The following CCSER1 variants were observed in gnomAD, a reference collection of about 807,000 sequenced individuals.
CCSER1 encodes coiled-coil serine rich protein 1, also known as serine-rich coiled-coil domain-containing protein 1.
CCSER1 carries 41 observed loss-of-function variants against 82.0 expected under a neutral mutation model. The observed-to-expected ratio is 0.50, with a 90% confidence interval of 0.39 to 0.65. CCSER1 has a LOEUF of 0.65. Ranked by LOEUF, CCSER1 falls within the 30% of genes least tolerant of loss-of-function variation. The probability of loss-of-function intolerance (pLI) is 0.00; values close to 1 mark genes in which losing one functional copy is unlikely to be tolerated. For synonymous variants in CCSER1, 414 were observed against 383.9 expected, an observed-to-expected ratio of 1.08 and a Z score of -0.92; for missense variants, 1,119 against 1,064.2, an observed-to-expected ratio of 1.05 and a Z score of -0.72.
intron 3 of CCSER1, chr4:90,325,549 G>A: frequency 3.0e-6 from 1 of 327,936 alleles, no homozygotes; most frequent in Non-Finnish European, 6.7e-6. Flanking sequence ...TAACTGAATG[G>A]GCTGGGACAG....
At chr4:90,644,607 C>T (rs1294072230) in intron 6 of CCSER1, among the ~76,000 whole-genome samples, 1 of 152,022 alleles carries the variant, frequency 6.6e-6, no homozygotes, top group Admixed American at 6.6e-5. Context: ...GGCTATTTAT[C>T]CTGATGCTCT....
chr4:90,556,995 T>C lies in CCSER1; in HGVS notation c.1725-71030T>C, dbSNP rs184434456. On this transcript the variant is annotated intron_variant, in intron 5 of 10. Transcript: ENST00000509176. The stretch of plus-strand genomic sequence containing the variant: ...CAACATTCAATAACAACTTGTTTTT[T>C]TGATATATAATTTATTTATATCTAC... Among the ~76,000 whole-genome samples, 21 of 152,076 alleles carry C rather than the reference T, an allele frequency of 1.4e-4. No individual in the cohort carries two copies. The East Asian group carries it at 3.1e-3, about 22-fold the overall frequency.
chr4:90,813,190 A>T (rs1445033014), intron 7 of CCSER1, among the ~76,000 whole-genome samples: 1 of 152,268 alleles, frequency 6.6e-6, no homozygotes, highest in Non-Finnish European at 1.5e-5. Flanking sequence ...ATGGAGGTAC[A>T]GGCAATGGGT....
chr4:90,308,864 C>G lies in CCSER1; in HGVS notation c.580C>G (p.Pro194Ala). ...TTCATCTCACTATAAATTTTCTAAG[C>G]CAGTTCTACAGAGCCAATCCATTTC... is the stretch of plus-strand genomic sequence containing the variant. ...SFSSHYKFSK[P>A]VLQSQSISLV... Residue 194 changes from proline to alanine, a missense_variant, in exon 2 of 11, where the codon CCA becomes GCA. Pro to Ala is a conservative substitution (Grantham distance 27, BLOSUM62 -1). Coordinates refer to ENST00000509176, the MANE Select transcript of CCSER1 (RefSeq NM_001145065.2). The G allele has an allele frequency of 6.2e-7, 1 of 1,613,860 alleles. No homozygotes were observed. The highest frequency in any genetic ancestry group is 8.5e-7 in the Non-Finnish European group (1 of 1,179,822).
chr4:90,356,092 C>G (rs1048120459), intron 3 of CCSER1, among the ~76,000 whole-genome samples: 4 of 151,846 alleles, frequency 2.6e-5, no homozygotes, highest in Non-Finnish European at 5.9e-5. Context: ...AACAAGAACT[C>G]TTCTGTAATT....
intron 1 of CCSER1, among the ~76,000 whole-genome samples, chr4:90,201,138 A>G (rs1363957078): frequency 6.6e-6 from 1 of 152,196 alleles, no homozygotes; most frequent in Non-Finnish European, 1.5e-5. Flanking sequence ...TTGCAGAAAC[A>G]GCTTTGGCTG....
intron 1 of CCSER1, among the ~76,000 whole-genome samples, chr4:90,159,386 T>C (rs1728995684): frequency 6.6e-6 from 1 of 152,138 alleles, no homozygotes; most frequent in African/African-American, 2.4e-5. Flanking sequence ...AGTTGAATCA[T>C]GATTTTTGGC....
At chr4:91,148,389 G>A (rs1729760194) in intron 10 of CCSER1, among the ~76,000 whole-genome samples, 1 of 151,896 alleles carries the variant, frequency 6.6e-6, no homozygotes, top group Non-Finnish European at 1.5e-5. Flanking sequence ...TGATTCTTGT[G>A]GGAATAGATT....
intron 5 of CCSER1, among the ~76,000 whole-genome samples, chr4:90,597,524 CTTTAATTTTT>C (rs1369656685): frequency 1.3e-5 from 2 of 151,852 alleles, no homozygotes; most frequent in African/African-American, 4.8e-5. Context: ...CCATAATTTT[CTTTAATTTTT>C]TTTAAAAAAT....
At chr4:91,043,953 A>G (rs1319566320) in intron 9 of CCSER1, among the ~76,000 whole-genome samples, 1 of 152,170 alleles carries the variant, frequency 6.6e-6, no homozygotes, top group Non-Finnish European at 1.5e-5. Flanking sequence ...TTCTGGGGAA[A>G]TATTATAACT....
intron 10 of CCSER1, among the ~76,000 whole-genome samples, chr4:91,329,732 T>C (rs1432113704): frequency 6.6e-6 from 1 of 152,164 alleles, no homozygotes. Context: ...GACTCTACCC[T>C]CATGATCTAA....
At chr4:90,899,615 A>G (rs1268906794) in intron 8 of CCSER1, among the ~76,000 whole-genome samples, 1 of 151,850 alleles carries the variant, frequency 6.6e-6, no homozygotes, top group East Asian at 1.9e-4. Context: ...TTATTTTGAG[A>G]TATGTTTATT....
chr4:90,130,690 C>T (rs1722670228), intron 1 of CCSER1, among the ~76,000 whole-genome samples: 1 of 152,048 alleles, frequency 6.6e-6, no homozygotes, highest in Non-Finnish European at 1.5e-5. Flanking sequence ...GTGGCGCTAC[C>T]TCGGCTCACT....
intron 10 of CCSER1, among the ~76,000 whole-genome samples, chr4:91,499,543 T>C (rs775987462): frequency 1.5e-4 from 23 of 151,924 alleles, no homozygotes; most frequent in Non-Finnish European, 2.8e-4. Flanking sequence ...TTCTGTGGGT[T>C]TAGACAAACG....
intron 10 of CCSER1, among the ~76,000 whole-genome samples, chr4:91,149,421 T>C (rs1457089744): frequency 6.6e-6 from 1 of 152,218 alleles, no homozygotes; most frequent in African/African-American, 2.4e-5. Flanking sequence ...TCTCCCATTC[T>C]GTAGGTTGCC....
At chr4:91,108,931 G>T (rs1042723458) in intron 10 of CCSER1, among the ~76,000 whole-genome samples, 2 of 152,140 alleles carry the variant, frequency 1.3e-5, no homozygotes, top group Admixed American at 1.3e-4. Context: ...CCCTCACCCA[G>T]TGTGGGTGGG....
intron 10 of CCSER1, among the ~76,000 whole-genome samples, chr4:91,275,404 C>T (rs1742355248): frequency 6.6e-6 from 1 of 151,916 alleles, no homozygotes; most frequent in Non-Finnish European, 1.5e-5. Flanking sequence ...TTTTGATTTG[C>T]ACCTCCCTGA....
intron 5 of CCSER1, among the ~76,000 whole-genome samples, chr4:90,469,095 G>A (rs991288898): frequency 2.6e-5 from 4 of 152,018 alleles, no homozygotes; most frequent in African/African-American, 9.7e-5. Context: ...GGTGATATAA[G>A]GGGCTGCCAA....
At chr4:90,854,856 GA>G (rs1429672739) in intron 8 of CCSER1, among the ~76,000 whole-genome samples, 1 of 152,064 alleles carries the variant, frequency 6.6e-6, no homozygotes, top group African/African-American at 2.4e-5. Context: ...AATTTATAAA[GA>G]AAAGAGGTTT....
Sources: allele counts gnomAD v4.1 joint callset (sites outside exome capture counted in the v4.1 genomes callset), GRCh38; gene constraint gnomAD v4.1.1; transcripts MANE v1.5; gene names NCBI Gene and HGNC (gene_info 2026-07-23, HGNC 2026-07-21).